VRK1: variants seen among roughly 807,000 people sequenced by gnomAD.
VRK1 encodes the protein serine/threonine-protein kinase VRK1.
VRK1 carries 33 observed loss-of-function variants against 57.1 expected under a neutral mutation model. The ratio of observed to expected loss-of-function variants is 0.58; its 90% CI spans 0.44 to 0.77. The LOEUF is 0.77. Among genes scored for constraint, VRK1 ranks in the 30% least tolerant of loss-of-function variants. The probability of loss-of-function intolerance (pLI) is 0.00; values close to 1 mark genes in which losing one functional copy is unlikely to be tolerated. For synonymous variants in VRK1, 137 were observed against 147.8 expected, an observed-to-expected ratio of 0.93 and a Z score of 0.53; for missense variants, 413 against 477.3, an observed-to-expected ratio of 0.87 and a Z score of 1.25.
intron 1 of VRK1, among the ~76,000 whole-genome samples, chr14:96,815,749 A>G (rs1886367765): frequency 6.6e-6 from 1 of 151,640 alleles, no homozygotes; most frequent in Admixed American, 6.6e-5. Context: ...AACAAAACAA[A>G]TTCGTGGGCA....
At chr14:96,847,428 T>A in intron 5 of VRK1, 84 bp downstream of exon 5, 1 of 1,063,488 alleles carries the variant, frequency 9.4e-7, no homozygotes, top group Non-Finnish European at 1.4e-6. Context: ...TATTTACTGA[T>A]CACTTACAAT....
chr14:96,857,069 TAA>T (rs1295031229), intron 10 of VRK1, among the ~76,000 whole-genome samples: 3 of 152,196 alleles, frequency 2.0e-5, no homozygotes, highest in African/African-American at 4.8e-5. Context: ...ATTCATACAT[TAA>T]GTTAGTAAAT....
chr14:96,876,109 C>T lies in VRK1; in HGVS notation c.1148C>T (p.Ala383Val). ...TGGTCAAACACACAGACAGAGGAGG[C>T]CATACAGACCCGTAAGTTGAACAGT... is the stretch of plus-strand genomic sequence containing the variant. The part of the protein sequence containing the change: ...TEWSNTQTEE[A>V]IQTRSRTRKR... The change falls in exon 12 of 13, where the codon GCC (alanine) becomes GTC (valine). Residue 383 changes from alanine (A) to valine (V), a missense_variant. Ala to Val is a moderately conservative substitution (Grantham distance 64). Around this residue, in one of 3 missense-constraint regions of VRK1, gnomAD observed 146 missense variants for 138.2 expected, o/e 1.06. Transcript: ENST00000216639. 6.2e-7 allele frequency: 1 copy of T among 1,613,514 alleles called. No individual in the cohort carries two copies. The highest frequency in any genetic ancestry group is 8.5e-7 in the Non-Finnish European group (1 of 1,179,574).
chr14:96,803,168 A>AT (rs747521306), intron 1 of VRK1, among the ~76,000 whole-genome samples: 2,241 of 127,894 alleles, frequency 0.018, 49 homozygotes, highest in African/African-American at 0.044. Flanking sequence ...TGATGCTGGC[A>AT]TTTTTTTTTT....
intron 3 of VRK1, among the ~76,000 whole-genome samples, chr14:96,842,611 G>A (rs558868923): frequency 1.3e-5 from 2 of 152,238 alleles, no homozygotes; most frequent in East Asian, 1.9e-4. Flanking sequence ...ACTTGCAAAT[G>A]TTACGAAATA....
chr14:96,877,155 T>A (rs927488070), intron 12 of VRK1, among the ~76,000 whole-genome samples: 64 of 152,068 alleles, frequency 4.2e-4, no homozygotes, highest in Middle Eastern at 3.4e-3. Flanking sequence ...TAAAAAAAAA[T>A]TTTACAGCAT....
chr14:96,860,798 AAG>A lies in VRK1; in HGVS notation c.1068+65_1068+66del, dbSNP rs144817018. 2,441 of 1,561,170 alleles carry A rather than the reference AAG, an allele frequency of 1.6e-3. 33 individuals carry two copies. The African/African-American group carries it at 0.03, about 19-fold the overall frequency. On this transcript the variant is annotated intron_variant, in intron 11 of 12. Transcript: ENST00000216639. Reference sequence around the variant, plus strand: ...TGTTTATAATTGCAATAAATACTAAAAGAAAGTATAGCAGTAGTTCAATGAAG... The same window carrying A: ...TGTTTATAATTGCAATAAATACTAAAAAAGTATAGCAGTAGTTCAATGAAG...
chr14:96,870,609 A>G (rs1888783018), intron 11 of VRK1, among the ~76,000 whole-genome samples: 1 of 152,214 alleles, frequency 6.6e-6, no homozygotes, highest in African/African-American at 2.4e-5. Flanking sequence ...ATCTCCTTGT[A>G]ACATGAATGA....
In VRK1 at chr14:96,846,138, A is replaced by G. The variant is rs1277406119; in HGVS notation, c.260A>G (p.Tyr87Cys). 3 of 1,613,452 alleles carry G rather than the reference A, an allele frequency of 1.9e-6. No homozygotes were observed. The highest frequency in any genetic ancestry group is 3.3e-5 in the Admixed American group (2 of 60,010). The change falls in exon 4 of 13, where the codon TAC becomes TGC. Residue 87 changes from tyrosine (Y) to cysteine (C), a missense_variant. Tyr to Cys is a radical substitution (Grantham distance 194). Around this residue, in one of 3 missense-constraint regions of VRK1, gnomAD observed 116 missense variants for 113.6 expected, o/e 1.02. Coordinates refer to ENST00000216639, the MANE Select transcript of VRK1 (RefSeq NM_003384.3). ...NGPLFTELKF[Y>C]QRAAKPEQIQ... is the part of the protein sequence containing the mutation. ...CCTCTTTTTACTGAATTAAAGTTCT[A>G]CCAACGAGCTGCAAAACCAGAGCAA...
At chr14:96,854,293 C>T (rs909403434) in intron 7 of VRK1, among the ~76,000 whole-genome samples, 1 of 152,152 alleles carries the variant, frequency 6.6e-6, no homozygotes, top group African/African-American at 2.4e-5. Context: ...TAAAATACAA[C>T]TTATATCACT....
intron 11 of VRK1, among the ~76,000 whole-genome samples, chr14:96,872,099 C>T (rs1464525772): frequency 4.6e-5 from 7 of 152,182 alleles, no homozygotes; most frequent in African/African-American, 1.2e-4. Flanking sequence ...GCTACTGCGC[C>T]GGGCCTCTAG....
intron 11 of VRK1, among the ~76,000 whole-genome samples, chr14:96,871,112 A>G (rs889974127): frequency 6.6e-6 from 1 of 152,094 alleles, no homozygotes; most frequent in African/African-American, 2.4e-5. Flanking sequence ...TTGGTGTGCT[A>G]TTTTTTGATA....
At chr14:96,802,313 C>T (rs191094422) in intron 1 of VRK1, among the ~76,000 whole-genome samples, 16 of 152,110 alleles carry the variant, frequency 1.1e-4, no homozygotes, top group Non-Finnish European at 1.6e-4. Context: ...CATGAATGCT[C>T]GTAGAAGCCT....
At chr14:96,860,983 C>T (rs1400908999) in intron 11 of VRK1, 4 of 317,946 alleles carry the variant, frequency 1.3e-5, no homozygotes, top group Non-Finnish European at 2.3e-5. Flanking sequence ...TGATATCTGA[C>T]AGGGAAATTT....
chr14:96,853,013 T>C, intron 6 of VRK1, 61 bp from the exon 7 acceptor site: 1 of 1,605,640 alleles, frequency 6.2e-7, no homozygotes, highest in Non-Finnish European at 8.5e-7. Flanking sequence ...TGTTGAAGCT[T>C]GGTCCTCTGC....
intron 12 of VRK1, chr14:96,877,431 T>TC: frequency 8.4e-7 from 1 of 1,189,474 alleles, no homozygotes; most frequent in Non-Finnish European, 1.1e-6. Flanking sequence ...CCTCTCTTTT[T>TC]CCCGCTGCTG....
chr14:96,875,793 TA>T lies in VRK1; in HGVS notation c.1069-236del, dbSNP rs34525141. On this transcript the variant is annotated intron_variant, in intron 11 of 12. Transcript: ENST00000216639. ...AAAAGTTAGAGGTGGATATAACAAA[TA>T]TATCTACCATCTGGGTTAACTGTCT... Among the ~76,000 whole-genome samples the T allele has an allele frequency of 0.33, 50,493 of 151,986 alleles. 9,719 individuals are homozygous for T. The highest frequency in any genetic ancestry group is 0.79 in the East Asian group (4,076 of 5,140).
intron 1 of VRK1, among the ~76,000 whole-genome samples, chr14:96,832,149 A>G (rs1323075324): frequency 1.3e-5 from 2 of 152,108 alleles, no homozygotes; most frequent in Non-Finnish European, 2.9e-5. Context: ...TTAATAAGGA[A>G]CATTTTCAGA....
chr14:96,804,199 C>A (rs1456543682), intron 1 of VRK1, among the ~76,000 whole-genome samples: 1 of 152,124 alleles, frequency 6.6e-6, no homozygotes, highest in Admixed American at 6.5e-5. Context: ...AGGATGTGAG[C>A]TTTAGATCTT....
Sources: allele counts gnomAD v4.1 joint callset (sites outside exome capture counted in the v4.1 genomes callset), GRCh38; gene constraint gnomAD v4.1.1; regional missense constraint gnomAD v4.1.1; transcripts MANE v1.5; gene names NCBI Gene and HGNC (gene_info 2026-07-23, HGNC 2026-07-21).